Variants in APBB2 observed in about 807,000 individuals in gnomAD.
APBB2 encodes Fe65-like 1.
APBB2 carries 38 observed loss-of-function variants against 82.5 expected under a neutral mutation model. The ratio of observed to expected loss-of-function variants is 0.46; its 90% CI spans 0.36 to 0.60. APBB2 has a LOEUF of 0.60. APBB2 is among the 20% of genes least tolerant of loss of function. The pLI is 0.00. For synonymous variants in APBB2, 341 were observed against 368.2 expected (o/e 0.93, Z 0.85); for missense variants, 772 against 972.3 (o/e 0.79, Z 2.74).
chr4:41,004,689 T>G (rs1310547106), intron 6 of APBB2, among the ~76,000 whole-genome samples: 1 of 151,414 alleles, frequency 6.6e-6, no homozygotes, highest in Non-Finnish European at 1.5e-5. Context: ...ACAAAAAAAT[T>G]AGCTGGGCGT....
intron 1 of APBB2, among the ~76,000 whole-genome samples, chr4:41,181,524 A>C (rs568939023): frequency 9.2e-5 from 14 of 152,338 alleles, no homozygotes; most frequent in African/African-American, 3.4e-4. Flanking sequence ...ACATCCTTTT[A>C]GGTCAAATAT....
chr4:41,013,990 T>A lies in APBB2; in HGVS notation c.428A>T (p.Gln143Leu). 1 of 1,614,168 alleles carries A rather than the reference T, an allele frequency of 6.2e-7. No homozygotes were observed. The highest frequency in any genetic ancestry group is 8.5e-7 in the Non-Finnish European group (1 of 1,179,992). Residue 143 changes from glutamine to leucine, a missense_variant, in exon 6 of 18, where the codon CAG becomes CTG. Physicochemically the swap from Gln to Leu is moderately radical, Grantham distance 113. Coordinates refer to ENST00000508593, the MANE Select transcript of APBB2 (RefSeq NM_004307.2). ...TAAAATCTCACAGCTCGAGGAATCC[T>A]GTGGGTGGGGCTCTTTACCCTCTAA... ...EKLEGKEPHP[Q>L]DSSSCEILPS...
In APBB2 at chr4:40,838,461, G is replaced by C. The variant is rs1011609207; in HGVS notation, c.1530-7884C>G. 2.0e-5 allele frequency among the ~76,000 whole-genome samples: 3 copies of C among 149,922 alleles called. No individual in the cohort carries two copies. In the Admixed American group the frequency reaches 2.0e-4, roughly 10 times the overall value. On this transcript the variant is annotated intron_variant, in intron 12 of 17. Coordinates refer to ENST00000508593, the MANE Select transcript of APBB2 (RefSeq NM_004307.2). ...AGCAATTCTCCTGCCTCAGCCTCCT[G>C]AGTAGTTGGGACTACAGGCACGTGC...
In APBB2 at chr4:40,982,276, A is replaced by AGG. The variant is rs1436417475; in HGVS notation, c.835+31306_835+31307insCC. 8.6e-5 allele frequency among the ~76,000 whole-genome samples: 4 copies of AGG among 46,312 alleles called. No individual in the cohort carries two copies. The South Asian group carries it at 2.1e-3, about 24-fold the overall frequency. The allele number at this position is 46,312 out of a possible 152,430, so 30.4% of individuals were successfully genotyped here. Reference sequence around the variant, plus strand: ...AAAGAAAGAAAGAAAGAAAGAAAGAAAGAAAGAAGGAAGGAAGGAAGGAAG... The same window carrying AGG: ...AAAGAAAGAAAGAAAGAAAGAAAGAAGGAGAAAGAAGGAAGGAAGGAAGGAAG... On this transcript the variant is annotated intron_variant, in intron 6 of 17. Transcript: ENST00000508593.
At chr4:40,954,576 T>C (rs1791083807) in intron 6 of APBB2, among the ~76,000 whole-genome samples, 1 of 152,136 alleles carries the variant, frequency 6.6e-6, no homozygotes, top group African/African-American at 2.4e-5. Context: ...CTGGGGAGCC[T>C]CGGTCACTCT....
intron 6 of APBB2, among the ~76,000 whole-genome samples, chr4:41,008,344 T>C (rs1318033869): frequency 6.6e-6 from 1 of 152,210 alleles, no homozygotes; most frequent in African/African-American, 2.4e-5. Flanking sequence ...TTATAAAATA[T>C]GTAGCCAATG....
In APBB2 at chr4:41,065,693, A is replaced by G. The variant is rs190773927; in HGVS notation, c.-148-20T>C. 19 of 152,050 alleles carry G rather than the reference A, an allele frequency of 1.2e-4. No homozygotes were observed. The highest frequency in any genetic ancestry group is 3.6e-4 in the African/African-American group (15 of 41,484). 9.4% of individuals were successfully genotyped at this position (152,050 alleles called of 1,614,324 possible). On this transcript the variant is annotated intron_variant, in intron 3 of 17. Transcript: ENST00000508593. ...GGTTAGCTGTGGTGGGGGGAGAAAA[A>G]AAAAAGGTAGAAACAAAACAGAGAC...
In APBB2 at chr4:40,812,140, C is replaced by T. The variant is rs1010375992; in HGVS notation, c.*3952G>A. 2.0e-5 allele frequency: 3 copies of T among 152,156 alleles called. No individual in the cohort carries two copies. The highest frequency in any genetic ancestry group is 7.2e-5 in the African/African-American group (3 of 41,432). 9.4% of individuals were successfully genotyped at this position (152,156 alleles called of 1,614,324 possible). A position where few individuals can be genotyped will look rare whatever the true frequency, so the allele number is the denominator to read the frequency against. On this transcript the variant is annotated 3_prime_UTR_variant, in exon 18 of 18. Coordinates refer to ENST00000508593, the MANE Select transcript of APBB2 (RefSeq NM_004307.2). ...ATTTGAAGTTACTTCCTAGTTCTTACCAGGCAGAAATATGTAGTAACTAAT... is the reference window on the plus strand; with the variant it reads ...ATTTGAAGTTACTTCCTAGTTCTTATCAGGCAGAAATATGTAGTAACTAAT...
At chr4:41,138,722 C>T (rs2154017465) in intron 2 of APBB2, among the ~76,000 whole-genome samples, 1 of 152,258 alleles carries the variant, frequency 6.6e-6, no homozygotes, top group Non-Finnish European at 1.5e-5. Context: ...GTATTTCTCA[C>T]ATCACACTCA....
At chr4:40,917,925 AAC>A (rs770240520) in intron 10 of APBB2, among the ~76,000 whole-genome samples, 3 of 152,250 alleles carry the variant, frequency 2.0e-5, no homozygotes, top group Non-Finnish European at 4.4e-5. Context: ...TTCTTGTTTT[AAC>A]AGAGATGAAT....
At chr4:41,183,239 T>G (rs749195403) in intron 1 of APBB2, among the ~76,000 whole-genome samples, 1 of 152,202 alleles carries the variant, frequency 6.6e-6, no homozygotes, top group Non-Finnish European at 1.5e-5. Flanking sequence ...CTCGCCTGGC[T>G]TTTTACAATG....
intron 12 of APBB2, among the ~76,000 whole-genome samples, chr4:40,847,262 A>C (rs1014621154): frequency 5.9e-5 from 9 of 152,174 alleles, no homozygotes; most frequent in African/African-American, 2.2e-4. Context: ...CAGGAGTTCA[A>C]GACCAGCCTG....
chr4:41,057,368 T>C (rs939941263), intron 4 of APBB2, among the ~76,000 whole-genome samples: 1 of 152,198 alleles, frequency 6.6e-6, no homozygotes, highest in Non-Finnish European at 1.5e-5. Context: ...GGAGAATCAC[T>C]TGAATTCGGG....
intron 6 of APBB2, among the ~76,000 whole-genome samples, chr4:40,982,281 A>AGAAAGAAAGAAG (rs1798874676): frequency 1.1e-4 from 2 of 17,476 alleles, no homozygotes; most frequent in African/African-American, 5.3e-4. Context: ...AAAGAAAGAA[A>AGAAAGAAAGAAG]GAAGGAAGGA....
chr4:41,006,986 T>C lies in APBB2; in HGVS notation c.835+6597A>G, dbSNP rs1459798720. Among the ~76,000 whole-genome samples the C allele has an allele frequency of 2.0e-5, 3 of 152,316 alleles. No individual in the cohort carries two copies. In the East Asian group the frequency reaches 5.8e-4, roughly 29 times the overall value. ...GTTTGTGACTCTCGCTCTCATCAAC[T>C]ATGCAAGAGTTCCACTTTGCCTCAA... On this transcript the variant is annotated intron_variant, in intron 6 of 17. Coordinates refer to ENST00000508593, the MANE Select transcript of APBB2 (RefSeq NM_004307.2).
intron 3 of APBB2, among the ~76,000 whole-genome samples, chr4:41,081,815 G>T (rs148975178): frequency 1.7e-3 from 264 of 152,274 alleles, no homozygotes; most frequent in African/African-American, 6.0e-3. Flanking sequence ...AATTAAAATT[G>T]CATTGATCAT....
At chr4:41,063,556 C>T (rs762729016) in intron 4 of APBB2, among the ~76,000 whole-genome samples, 2 of 152,142 alleles carry the variant, frequency 1.3e-5, no homozygotes, top group South Asian at 2.1e-4. Context: ...GTTGTTGGTC[C>T]GAATCCCTAT....
chr4:41,209,254 T>C (rs1409030257), intron 1 of APBB2, among the ~76,000 whole-genome samples: 1 of 152,202 alleles, frequency 6.6e-6, no homozygotes, highest in African/African-American at 2.4e-5. Context: ...AGGCTGAGTT[T>C]TGTGAGCCTC....
At chr4:41,112,309 C>G in intron 2 of APBB2, among the ~76,000 whole-genome samples, 1 of 152,230 alleles carries the variant, frequency 6.6e-6, no homozygotes, top group Non-Finnish European at 1.5e-5. Context: ...TGTAGCCCAG[C>G]TGGTGGGCAT....
Sources: allele counts gnomAD v4.1 joint callset (sites outside exome capture counted in the v4.1 genomes callset), GRCh38; gene constraint gnomAD v4.1.1; transcripts MANE v1.5; gene names NCBI Gene and HGNC (gene_info 2026-07-23, HGNC 2026-07-21).